SCFD2: variants seen among roughly 807,000 people sequenced by gnomAD.
SCFD2 encodes the protein sec1 family domain containing 2, also known as sec1 family domain-containing protein 2.
A neutral mutation model predicts 58.9 loss-of-function variants in SCFD2; 54 were observed. That is an observed-to-expected ratio of 0.92 (90% CI 0.74 to 1.15). SCFD2 has a LOEUF of 1.15. SCFD2 is among the 50% of genes most tolerant of loss of function. The pLI is 0.00. For missense variants in SCFD2, 805 were observed against 836.6 expected (o/e 0.96, Z 0.47); for synonymous variants, 321 against 335.9 (o/e 0.96, Z 0.49).
intron 2 of SCFD2, among the ~76,000 whole-genome samples, chr4:53,341,362 T>C (rs1228323135): frequency 1.3e-5 from 2 of 152,182 alleles, no homozygotes; most frequent in East Asian, 3.9e-4. Flanking sequence ...TATCAGTGAT[T>C]GAAGGTCAAA....
At chr4:53,236,561 TAA>T (rs560384074) in intron 4 of SCFD2, among the ~76,000 whole-genome samples, 11 of 150,560 alleles carry the variant, frequency 7.3e-5, no homozygotes, top group African/African-American at 2.7e-4. Context: ...TCTTGTTATA[TAA>T]AGTTAACTAA....
chr4:53,100,132 C>T (rs968199984), intron 5 of SCFD2, among the ~76,000 whole-genome samples: 1 of 152,096 alleles, frequency 6.6e-6, no homozygotes, highest in Admixed American at 6.6e-5. Context: ...TAATCTTAGC[C>T]TTCACTTCTT....
At position 53,174,773 on chromosome 4, in the gene SCFD2, A is replaced by G. The variant is rs76954695; in HGVS notation, c.1312-29191T>C. ...ACAGTAAATTCACGACAAAGTGGGA[A>G]ACATCTGCTAATATGAAGCAGTAAG... On this transcript the variant is annotated intron_variant, in intron 4 of 8. Transcript: ENST00000401642. Among the ~76,000 whole-genome samples, 130 of 152,304 alleles carry G rather than the reference A, an allele frequency of 8.5e-4. 1 individual carries two copies. The highest frequency in any genetic ancestry group is 2.9e-3 in the African/African-American group (119 of 41,572).
intron 5 of SCFD2, among the ~76,000 whole-genome samples, chr4:53,038,684 A>C (rs1218618927): frequency 6.6e-6 from 1 of 151,844 alleles, no homozygotes; most frequent in East Asian, 1.9e-4. Context: ...GAAGACATTT[A>C]AAGTTTTTTG....
chr4:52,941,553 CCTAA>C (rs949777530), intron 5 of SCFD2, among the ~76,000 whole-genome samples: 72 of 152,174 alleles, frequency 4.7e-4, no homozygotes, highest in African/African-American at 1.4e-3. Context: ...CTGTGTTAAA[CCTAA>C]CTGTCTTCAT....
intron 3 of SCFD2, among the ~76,000 whole-genome samples, chr4:53,300,872 G>A (rs1355978832): frequency 6.6e-6 from 1 of 152,140 alleles, no homozygotes; most frequent in East Asian, 1.9e-4. Context: ...TGAAATGAAG[G>A]CAGAAATAAA....
chr4:53,004,832 T>A (rs111828516), intron 5 of SCFD2, among the ~76,000 whole-genome samples: 6,796 of 152,172 alleles, frequency 0.045, 224 homozygotes, highest in Admixed American at 0.066. Flanking sequence ...GGGGTATTTT[T>A]AGGGGTAAAG....
chr4:53,057,641 G>T (rs1044287041), intron 5 of SCFD2, among the ~76,000 whole-genome samples: 1 of 152,004 alleles, frequency 6.6e-6, no homozygotes, highest in Non-Finnish European at 1.5e-5. Flanking sequence ...TAACAACCCT[G>T]TACATTCTGC....
At chr4:53,091,744 G>T (rs1180558193) in intron 5 of SCFD2, among the ~76,000 whole-genome samples, 1 of 152,042 alleles carries the variant, frequency 6.6e-6, no homozygotes, top group Non-Finnish European at 1.5e-5. Context: ...AGATTTCTGG[G>T]AGGAGAGATG....
intron 5 of SCFD2, among the ~76,000 whole-genome samples, chr4:52,993,764 T>C (rs1312934290): frequency 6.6e-6 from 1 of 152,248 alleles, no homozygotes; most frequent in African/African-American, 2.4e-5. Context: ...ATTGGAATCA[T>C]TGTAACTCTC....
intron 3 of SCFD2, among the ~76,000 whole-genome samples, chr4:53,297,462 G>C (rs1391563539): frequency 6.6e-6 from 1 of 151,522 alleles, no homozygotes; most frequent in Non-Finnish European, 1.5e-5. Context: ...TGCAACCCTT[G>C]GTTTTTTTTT....
At chr4:53,262,124 C>A (rs1730847140) in intron 4 of SCFD2, among the ~76,000 whole-genome samples, 1 of 152,204 alleles carries the variant, frequency 6.6e-6, no homozygotes, top group East Asian at 1.9e-4. Context: ...CACCCCTTTA[C>A]CTTAAGTTTA....
intron 3 of SCFD2, among the ~76,000 whole-genome samples, chr4:53,286,612 C>A (rs1322259143): frequency 6.6e-6 from 1 of 152,026 alleles, no homozygotes; most frequent in Admixed American, 6.5e-5. Flanking sequence ...AGCAGCTATG[C>A]CCCCAGGCAC....
At chr4:53,258,031 A>G (rs950389296) in intron 4 of SCFD2, among the ~76,000 whole-genome samples, 1 of 152,204 alleles carries the variant, frequency 6.6e-6, no homozygotes, top group African/African-American at 2.4e-5. Flanking sequence ...GATGATGCTT[A>G]TCATTGATCG....
At chr4:52,973,093 T>A (rs961002921) in intron 5 of SCFD2, among the ~76,000 whole-genome samples, 1 of 151,754 alleles carries the variant, frequency 6.6e-6, no homozygotes, top group Admixed American at 6.6e-5. Flanking sequence ...CACCCTAACA[T>A]CACAATTAAA....
rs1178904956 is a variant in SCFD2, at chr4:53,272,311, G to T, written c.1311+1515C>A. 8.6e-5 allele frequency among the ~76,000 whole-genome samples: 13 copies of T among 152,038 alleles called. 1 individual carries two copies. Among genetic ancestry groups the T allele is most frequent in the Non-Finnish European group, 1.2e-4 (8 of 68,036 alleles). On this transcript the variant is annotated intron_variant, in intron 4 of 8. Coordinates refer to ENST00000401642, the MANE Select transcript of SCFD2 (RefSeq NM_152540.4). ...GGTGTGGCAATTCCTCAGGGATCTA[G>T]AACTAGAAATACCATTTGACCCAGC...
intron 2 of SCFD2, among the ~76,000 whole-genome samples, chr4:53,352,153 TAG>T (rs1560461926): frequency 6.6e-6 from 1 of 152,198 alleles, no homozygotes; most frequent in Non-Finnish European, 1.5e-5. Context: ...AAAATATACT[TAG>T]AAATAAAAAC....
chr4:53,235,151 C>T (rs1203558784), intron 4 of SCFD2, among the ~76,000 whole-genome samples: 2 of 152,206 alleles, frequency 1.3e-5, no homozygotes, highest in African/African-American at 4.8e-5. Flanking sequence ...ATCACATCTA[C>T]ATAGGTCTCA....
intron 5 of SCFD2, among the ~76,000 whole-genome samples, chr4:52,974,587 A>C (rs973442938): frequency 6.6e-6 from 1 of 152,200 alleles, no homozygotes; most frequent in Non-Finnish European, 1.5e-5. Context: ...GAAAATGGCC[A>C]TACTGCCCAA....
Sources: gnomAD v4.1 joint callset for allele counts (sites outside exome capture counted in the v4.1 genomes callset) on GRCh38, gnomAD v4.1.1 for gene constraint, MANE v1.5 for transcripts, NCBI Gene and HGNC (gene_info 2026-07-23, HGNC 2026-07-21) for gene names.